SMCO4: variants seen among roughly 807,000 people sequenced by gnomAD.
The protein encoded by SMCO4 is single-pass membrane protein with coiled-coil domains 4.
In SMCO4, 4 loss-of-function variants were observed where a neutral mutation model predicts 3.6. The ratio of observed to expected loss-of-function variants is 1.11; its 90% CI spans 0.54 to 2.53. The LOEUF (loss-of-function observed/expected upper bound fraction) is 2.53, where lower values mean the gene tolerates loss of function less well. SMCO4 is among the 30% of genes most tolerant of loss of function. The probability of loss-of-function intolerance (pLI) is 0.02; values close to 1 mark genes in which losing one functional copy is unlikely to be tolerated. For synonymous variants in SMCO4, 36 were observed against 35.3 expected, an observed-to-expected ratio of 1.02 and a Z score of -0.07; for missense variants, 70 against 80.8, an observed-to-expected ratio of 0.87 and a Z score of 0.51.
Position 93,510,996 on chromosome 11 carries a change from G to A in SMCO4, c.-153-11648C>T, listed in dbSNP as rs1019557653. Among the ~76,000 whole-genome samples, 3 of 152,226 alleles carry A rather than the reference G, an allele frequency of 2.0e-5. 1 individual carries two copies. The highest frequency in any genetic ancestry group is 4.1e-4 in the South Asian group (2 of 4,822). On this transcript the variant is annotated intron_variant, in intron 1 of 2. Coordinates refer to ENST00000298966, the MANE Select transcript of SMCO4 (RefSeq NM_020179.3). ...CACCTGTATACCCAGCTACTGCGGAGACTGAGGCAGGAGAATCACTTAAAC... is the reference window on the plus strand; with the variant it reads ...CACCTGTATACCCAGCTACTGCGGAAACTGAGGCAGGAGAATCACTTAAAC...
At chr11:93,552,517 G>A in the SMCO4 span, among the ~76,000 whole-genome samples, 1 of 150,038 alleles carries the variant, frequency 6.7e-6, no homozygotes, top group Non-Finnish European at 1.5e-5. Flanking sequence ...TGTTCCCCAG[G>A]CTGTAGTACA....
chr11:93,488,005 T>C (rs894439551), intron 2 of SMCO4, among the ~76,000 whole-genome samples: 12 of 152,390 alleles, frequency 7.9e-5, no homozygotes, highest in African/African-American at 2.9e-4. Context: ...GTAATGAAGC[T>C]GTCTTCATTC....
chr11:93,511,607 G>A (rs1231020570), intron 1 of SMCO4, among the ~76,000 whole-genome samples: 1 of 152,072 alleles, frequency 6.6e-6, no homozygotes, highest in Admixed American at 6.5e-5. Context: ...GGTCCCCATC[G>A]GAGTGGATGT....
chr11:93,534,273 T>G (rs2134635274), intron 1 of SMCO4, among the ~76,000 whole-genome samples: 1 of 147,182 alleles, frequency 6.8e-6, no homozygotes, highest in African/African-American at 2.5e-5. Flanking sequence ...AACACATATA[T>G]ATATACATAT....
intron 1 of SMCO4, among the ~76,000 whole-genome samples, chr11:93,511,033 A>C (rs967771572): frequency 6.6e-6 from 1 of 152,176 alleles, no homozygotes; most frequent in African/African-American, 2.4e-5. Context: ...CAGGAGGCAG[A>C]GGATGCAGTG....
intron 1 of SMCO4, among the ~76,000 whole-genome samples, chr11:93,500,598 A>G (rs75711566): frequency 0.024 from 3,671 of 152,214 alleles, 149 homozygotes; most frequent in African/African-American, 0.083. Flanking sequence ...TGGAAAGGGG[A>G]AGGGAGTTGG....
chr11:93,505,216 T>C (rs1338309299), intron 1 of SMCO4, among the ~76,000 whole-genome samples: 1 of 152,150 alleles, frequency 6.6e-6, no homozygotes, highest in African/African-American at 2.4e-5. Flanking sequence ...TGGCAGAGCT[T>C]TGAAAATGAG....
At chr11:93,543,568 C>G (rs1369162923), upstream of SMCO4, 1 of 152,460 alleles carries the variant, frequency 6.6e-6, no homozygotes, top group Non-Finnish European at 1.5e-5. Context: ...CTGCTGCTGC[C>G]GCTGCCTCCA....
chr11:93,534,253 C>T (rs1227549504), intron 1 of SMCO4, among the ~76,000 whole-genome samples: 29 of 114,678 alleles, frequency 2.5e-4, no homozygotes, highest in Non-Finnish European at 4.0e-4. Flanking sequence ...CACACACACA[C>T]ACACACACAA....
In SMCO4 at chr11:93,478,939, C is replaced by T. The variant is rs1948553456; in HGVS notation, c.*71G>A. 2 of 1,521,544 alleles carry T rather than the reference C, an allele frequency of 1.3e-6. No individual in the cohort carries two copies. The highest frequency in any genetic ancestry group is 4.7e-5 in the East Asian group (2 of 42,878). The allele number at this position is 1,521,544 out of a possible 1,614,324, so 94.3% of individuals were successfully genotyped here. A position where few individuals can be genotyped will look rare whatever the true frequency, so the allele number is the denominator to read the frequency against. ...ACATGAACATCTCTGAATATGAAAG[C>T]CATTTTTTGTTTGCGTCCCCCTCCC... On this transcript the variant is annotated 3_prime_UTR_variant, in exon 3 of 3. Transcript: ENST00000298966.
upstream of SMCO4, among the ~76,000 whole-genome samples, chr11:93,546,994 C>T (rs143776819): frequency 1.3e-5 from 2 of 152,328 alleles, no homozygotes; most frequent in East Asian, 3.9e-4. Flanking sequence ...TTGCTAAATC[C>T]CGCTTTCCAG....
At chr11:93,523,726 AGT>A (rs989422678) in intron 1 of SMCO4, among the ~76,000 whole-genome samples, 5 of 152,344 alleles carry the variant, frequency 3.3e-5, no homozygotes, top group African/African-American at 1.2e-4. Flanking sequence ...AATCAGTGAA[AGT>A]GTGTGTGCTA....
chr11:93,506,588 G>A (rs558704863), intron 1 of SMCO4, among the ~76,000 whole-genome samples: 8 of 152,014 alleles, frequency 5.3e-5, no homozygotes, highest in South Asian at 4.2e-4. Flanking sequence ...ACGGGTGCCC[G>A]CCACCACGTC....
rs1311151279 is a variant in SMCO4, at chr11:93,478,750, C to T, written c.*260G>A. 2.8e-5 allele frequency: 23 copies of T among 817,214 alleles called. No individual in the cohort carries two copies. The Admixed American group carries it at 6.7e-4, about 24-fold the overall frequency. 50.6% of individuals were successfully genotyped at this position (817,214 alleles called of 1,614,324 possible). A position where few individuals can be genotyped will look rare whatever the true frequency, so the allele number is the denominator to read the frequency against. ...ACACACACACACACACACACACACACACATGCGCGCGCGCTTTGAAGTCTG... is the reference window on the plus strand; with the variant it reads ...ACACACACACACACACACACACACATACATGCGCGCGCGCTTTGAAGTCTG... On this transcript the variant is annotated 3_prime_UTR_variant, in exon 3 of 3. Transcript: ENST00000298966.
At chr11:93,487,456 G>A (rs571215286) in intron 2 of SMCO4, among the ~76,000 whole-genome samples, 2 of 152,138 alleles carry the variant, frequency 1.3e-5, no homozygotes, top group Admixed American at 1.3e-4. Flanking sequence ...AGGGGAGGAG[G>A]GATCATAGCT....
intron 1 of SMCO4, among the ~76,000 whole-genome samples, chr11:93,517,492 G>A (rs1949018305): frequency 6.6e-6 from 1 of 152,190 alleles, no homozygotes; most frequent in Admixed American, 6.5e-5. Context: ...TAGAGAACAA[G>A]ATTTTTAAAA....
intron 1 of SMCO4, among the ~76,000 whole-genome samples, chr11:93,517,777 C>T (rs991683132): frequency 1.3e-5 from 2 of 152,266 alleles, no homozygotes; most frequent in African/African-American, 2.4e-5. Context: ...GCCAACTTGC[C>T]CCCAGGCCAA....
At chr11:93,553,718 G>T in the SMCO4 span, among the ~76,000 whole-genome samples, 1 of 152,148 alleles carries the variant, frequency 6.6e-6, no homozygotes, top group East Asian at 1.9e-4. Flanking sequence ...AACATAACTG[G>T]TTTCCTTGGT....
intron 1 of SMCO4, among the ~76,000 whole-genome samples, chr11:93,504,088 C>G (rs1948875351): frequency 6.6e-6 from 1 of 152,126 alleles, no homozygotes; most frequent in African/African-American, 2.4e-5. Context: ...GCTATTTACC[C>G]AAATTTCTAC....
Sources: gnomAD v4.1 joint callset for allele counts (sites outside exome capture counted in the v4.1 genomes callset) on GRCh38, gnomAD v4.1.1 for gene constraint, MANE v1.5 for transcripts, NCBI Gene and HGNC (gene_info 2026-07-23, HGNC 2026-07-21) for gene names.